RER1: variants seen among roughly 807,000 people sequenced by gnomAD.
RER1 encodes retention in endoplasmic reticulum sorting receptor 1.
In RER1, 6 loss-of-function variants were observed where a neutral mutation model predicts 28.3. The ratio of observed to expected loss-of-function variants is 0.21; its 90% CI spans 0.12 to 0.42. The LOEUF (loss-of-function observed/expected upper bound fraction) is 0.42. Among genes scored for constraint, RER1 ranks in the 10% least tolerant of loss-of-function variants. The pLI is 1.00. For missense variants in RER1, 159 were observed against 252.9 expected (o/e 0.63, Z 2.52); for synonymous variants, 110 against 95.9 (o/e 1.15, Z -0.86).
In RER1 at chr1:2,405,265, G is replaced by A. The variant is rs1192528401; in HGVS notation, c.*2141G>A. The A allele has an allele frequency of 2.5e-5, 7 of 281,532 alleles. No homozygotes were observed. Among genetic ancestry groups the A allele is most frequent in the Admixed American group, 1.5e-4 (3 of 20,198 alleles). The allele number at this position is 281,532 out of a possible 1,614,324, so 17.4% of individuals were successfully genotyped here. On this transcript the variant is annotated 3_prime_UTR_variant, in exon 7 of 7. Coordinates refer to ENST00000605895, the MANE Select transcript of RER1 (RefSeq NM_007033.5). The stretch of plus-strand genomic sequence containing the variant: ...CCCAGCCGCCCTCGGGGAGAGCAGC[G>A]CCGCCTCCCATGGGGCCGTGGGGCT...
At chr1:2,398,710 T>G (rs1415537871) in intron 3 of RER1, among the ~76,000 whole-genome samples, 1 of 152,260 alleles carries the variant, frequency 6.6e-6, no homozygotes, top group Non-Finnish European at 1.5e-5. Context: ...CTTTTGAAAT[T>G]GAGAATGCGG....
intron 1 of RER1, chr1:2,394,448 T>C (rs1375802561): frequency 1.3e-5 from 2 of 152,208 alleles, no homozygotes; most frequent in South Asian, 2.1e-4. Flanking sequence ...GTGCTCACAG[T>C]GAGGATGGGA....
At chr1:2,401,926 G>GC in intron 5 of RER1, 1 of 1,286,456 alleles carries the variant, frequency 7.8e-7, no homozygotes, top group South Asian at 1.6e-5. Context: ...CAGGCATGGG[G>GC]CCCCCAGCCT....
intron 4 of RER1, among the ~76,000 whole-genome samples, chr1:2,400,328 G>T (rs1222046393): frequency 6.6e-6 from 1 of 152,352 alleles, no homozygotes; most frequent in South Asian, 2.1e-4. Flanking sequence ...CCTCTCTGTT[G>T]TTGCTGTTTG....
chr1:2,401,242 TCCTC>T (rs1557903660), intron 5 of RER1, among the ~76,000 whole-genome samples: 2 of 76,226 alleles, frequency 2.6e-5, no homozygotes, highest in African/African-American at 5.6e-5. Flanking sequence ...CCTCCCTCCT[TCCTC>T]CCTCCTTCCT....
chr1:2,403,205 T>A lies in RER1; in HGVS notation c.*81T>A. On this transcript the variant is annotated 3_prime_UTR_variant, in exon 7 of 7. Transcript: ENST00000605895. ...CAATGCCTTTTTTCTTCACATAAAG[T>A]AGTTGATTACGAGGGAGTCAAATTT... 1.8e-6 allele frequency: 2 copies of A among 1,085,336 alleles called. No individual in the cohort carries two copies. The highest frequency in any genetic ancestry group is 1.6e-5 in the African/African-American group (1 of 64,416). 67.2% of individuals were successfully genotyped at this position (1,085,336 alleles called of 1,614,324 possible).
chr1:2,401,369 CCTTCCTCCCT>C (rs1642856392), intron 5 of RER1, among the ~76,000 whole-genome samples: 1 of 23,086 alleles, frequency 4.3e-5, no homozygotes, highest in Non-Finnish European at 7.8e-5. Context: ...CCTCCTCCCT[CCTTCCTCCCT>C]CCTCCTCCCT....
chr1:2,401,232 C>T (rs1222205083), intron 5 of RER1, among the ~76,000 whole-genome samples: 1 of 114,618 alleles, frequency 8.7e-6, no homozygotes, highest in Non-Finnish European at 1.9e-5. Context: ...CTCCTCCCTT[C>T]CTCCCTCCTT....
Position 2,401,910 on chromosome 1 carries a change from A to G in RER1, c.366-297A>G, listed in dbSNP as rs777777395. On this transcript the variant is annotated intron_variant, in intron 5 of 6. Coordinates refer to ENST00000605895, the MANE Select transcript of RER1 (RefSeq NM_007033.5). The stretch of plus-strand genomic sequence containing the variant: ...GGGTTTCTCTCCAGATCGCAGGCCC[A>G]GCCAGCAGGCATGGGGCCCCCAGCC... The G allele has an allele frequency of 1.8e-5, 18 of 978,280 alleles. No individual in the cohort carries two copies. The Middle Eastern group carries it at 9.9e-4, about 54-fold the overall frequency. The allele number at this position is 978,280 out of a possible 1,614,324, so 60.6% of individuals were successfully genotyped here. A position where few individuals can be genotyped will look rare whatever the true frequency, so the allele number is the denominator to read the frequency against.
chr1:2,399,036 G>A (rs974797447), intron 3 of RER1, among the ~76,000 whole-genome samples: 9 of 152,168 alleles, frequency 5.9e-5, no homozygotes, highest in African/African-American at 2.2e-4. Context: ...GGCCAGCATC[G>A]CTCAGGTGCC....
chr1:2,399,802 A>G (rs901827588), intron 4 of RER1, among the ~76,000 whole-genome samples: 6 of 152,124 alleles, frequency 3.9e-5, no homozygotes, highest in Admixed American at 3.9e-4. Context: ...TAGGGGTCTG[A>G]GGTGGACAGT....
intron 1 of RER1, chr1:2,394,341 C>T (rs1413791794): frequency 2.0e-5 from 3 of 152,258 alleles, no homozygotes; most frequent in Non-Finnish European, 2.9e-5. Flanking sequence ...GCCTGGATCA[C>T]TTCAGCGCAT....
chr1:2,400,508 G>A (rs564200637), intron 4 of RER1, among the ~76,000 whole-genome samples: 1 of 152,346 alleles, frequency 6.6e-6, no homozygotes, highest in South Asian at 2.1e-4. Flanking sequence ...CGCATCCTCG[G>A]CCCCGCCCTG....
At chr1:2,402,917 G>A (rs992433060) in intron 6 of RER1, 118 bp from the exon 7 acceptor site, 18 of 796,332 alleles carry the variant, frequency 2.3e-5, no homozygotes, top group African/African-American at 2.2e-4. Flanking sequence ...CTGGGGCTCC[G>A]ATTCCACTTG....
At chr1:2,398,864 T>A (rs1217288423) in intron 3 of RER1, among the ~76,000 whole-genome samples, 1 of 152,248 alleles carries the variant, frequency 6.6e-6, no homozygotes, top group Admixed American at 6.5e-5. Flanking sequence ...TTTTCTGGAT[T>A]TCCCAGTTGT....
At position 2,401,978 on chromosome 1, in the gene RER1, T is replaced by G. The variant is rs1040233910; in HGVS notation, c.366-229T>G. 3.4e-6 allele frequency: 5 copies of G among 1,459,446 alleles called. No individual in the cohort carries two copies. The African/African-American group carries it at 7.1e-5, about 21-fold the overall frequency. 90.4% of individuals were successfully genotyped at this position (1,459,446 alleles called of 1,614,324 possible). Reference sequence around the variant, plus strand: ...TACTTTGTGTAGTTTTAAGAAGAATTGTGTCTTTCAAGGGAGTAAGAGAAG... The same window carrying G: ...TACTTTGTGTAGTTTTAAGAAGAATGGTGTCTTTCAAGGGAGTAAGAGAAG... On this transcript the variant is annotated intron_variant, in intron 5 of 6. Coordinates refer to ENST00000605895, the MANE Select transcript of RER1 (RefSeq NM_007033.5).
chr1:2,402,047 C>T, intron 5 of RER1, 160 bp from the exon 6 acceptor site: 1 of 1,561,120 alleles, frequency 6.4e-7, no homozygotes, highest in Non-Finnish European at 8.7e-7. Flanking sequence ...GAGCTACATG[C>T]AAAGGGTCCT....
chr1:2,403,704 A>G lies in RER1; in HGVS notation c.*580A>G, dbSNP rs1642910324. On this transcript the variant is annotated 3_prime_UTR_variant, in exon 7 of 7. Coordinates refer to ENST00000605895, the MANE Select transcript of RER1 (RefSeq NM_007033.5). ...ACTCAAAACTTGGTTCTTAACTACC[A>G]TGATTGCTTTTGAGGGCCCGGAATT... 1.3e-5 allele frequency: 2 copies of G among 152,796 alleles called. No individual in the cohort carries two copies. Among genetic ancestry groups the G allele is most frequent in the South Asian group, 4.1e-4 (2 of 4,836 alleles). The allele number at this position is 152,796 out of a possible 1,614,324, so 9.5% of individuals were successfully genotyped here. A position where few individuals can be genotyped will look rare whatever the true frequency, so the allele number is the denominator to read the frequency against.
At chr1:2,399,995 G>A (rs1477590886) in intron 4 of RER1, among the ~76,000 whole-genome samples, 1 of 152,226 alleles carries the variant, frequency 6.6e-6, no homozygotes, top group African/African-American at 2.4e-5. Flanking sequence ...GGCCTTCTCT[G>A]GTTTCTGAGG....
Sources: gnomAD v4.1 joint callset for allele counts (sites outside exome capture counted in the v4.1 genomes callset) on GRCh38, gnomAD v4.1.1 for gene constraint, MANE v1.5 for transcripts, NCBI Gene and HGNC (gene_info 2026-07-23, HGNC 2026-07-21) for gene names.